Variants in DGKB observed in about 807,000 individuals in gnomAD.
DGKB encodes diacylglycerol kinase beta.
Under a neutral mutation model 114.3 loss-of-function variants are expected in DGKB, and 67 were observed. The observed-to-expected ratio is 0.59, with a 90% CI of 0.48 to 0.72. The LOEUF is 0.72. DGKB is among the 30% of genes least tolerant of loss of function. The pLI is 0.00. For missense variants in DGKB, 907 were observed against 975.2 expected (o/e 0.93, Z 0.93); for synonymous variants, 398 against 323.1 (o/e 1.23, Z -2.49).
chr7:14,362,662 C>A (rs1223066037), intron 21 of DGKB, among the ~76,000 whole-genome samples: 3 of 151,778 alleles, frequency 2.0e-5, no homozygotes, highest in Non-Finnish European at 4.4e-5. Flanking sequence ...AAAAAAAATG[C>A]AACAAAACAT....
At chr7:14,571,188 G>C (rs1472465720) in intron 20 of DGKB, among the ~76,000 whole-genome samples, 2 of 152,198 alleles carry the variant, frequency 1.3e-5, no homozygotes, top group Non-Finnish European at 2.9e-5. Context: ...AAACTACTGA[G>C]CCTCAGATAA....
intron 19 of DGKB, among the ~76,000 whole-genome samples, chr7:14,578,231 C>G (rs896350710): frequency 3.7e-4 from 56 of 152,186 alleles, no homozygotes; most frequent in Non-Finnish European, 1.2e-4. Flanking sequence ...GAGGCCTCCC[C>G]AGCCATTTGG....
At chr7:14,930,932 T>C (rs1429381693) in intron 1 of DGKB, among the ~76,000 whole-genome samples, 2 of 152,172 alleles carry the variant, frequency 1.3e-5, no homozygotes, top group Non-Finnish European at 2.9e-5. Flanking sequence ...TTGAATTTTA[T>C]AGAATGCTTT....
At chr7:14,380,904 A>C (rs1395470455) in intron 21 of DGKB, among the ~76,000 whole-genome samples, 1 of 152,224 alleles carries the variant, frequency 6.6e-6, no homozygotes, top group Non-Finnish European at 1.5e-5. Flanking sequence ...GATACATGGC[A>C]AAAGGAACTA....
At chr7:14,359,698 C>G (rs1815315339) in intron 21 of DGKB, among the ~76,000 whole-genome samples, 1 of 152,062 alleles carries the variant, frequency 6.6e-6, no homozygotes, top group South Asian at 2.1e-4. Context: ...ATTTATACAG[C>G]CAACAGACAC....
intron 13 of DGKB, among the ~76,000 whole-genome samples, chr7:14,640,773 A>C (rs1002132081): frequency 2.0e-5 from 3 of 152,154 alleles, no homozygotes; most frequent in African/African-American, 7.2e-5. Context: ...TTAATAGTAA[A>C]ACAGAGAAAG....
At chr7:14,233,742 T>C (rs1792283580) in intron 23 of DGKB, among the ~76,000 whole-genome samples, 1 of 152,020 alleles carries the variant, frequency 6.6e-6, no homozygotes, top group Non-Finnish European at 1.5e-5. Flanking sequence ...GAACCAACTG[T>C]CAAAGCAGAG....
chr7:14,778,360 T>C (rs1586435865), intron 2 of DGKB, among the ~76,000 whole-genome samples: 2 of 152,342 alleles, frequency 1.3e-5, no homozygotes, highest in South Asian at 4.1e-4. Flanking sequence ...TTTCTTGTTT[T>C]TTTTTCATAG....
In DGKB at chr7:14,370,694, G is replaced by C. The variant is rs1412987219; in HGVS notation, c.1836-25303C>G. On this transcript the variant is annotated intron_variant, in intron 21 of 25. Transcript: ENST00000402815. ...ATTTCAACTTTTATTTTAGATTCAG[G>C]GAGGGCACGTGGATGTCTGTTACAT... Among the ~76,000 whole-genome samples the C allele has an allele frequency of 2.0e-5, 3 of 152,076 alleles. No individual in the cohort carries two copies. In the South Asian group the frequency reaches 6.2e-4, roughly 32 times the overall value.
At chr7:14,295,766 T>C (rs1253166249) in intron 23 of DGKB, among the ~76,000 whole-genome samples, 1 of 152,102 alleles carries the variant, frequency 6.6e-6, no homozygotes, top group African/African-American at 2.4e-5. Context: ...GCAGGTTTGC[T>C]ACATAGGTAT....
At chr7:14,387,151 C>T (rs1026470338) in intron 21 of DGKB, among the ~76,000 whole-genome samples, 3 of 151,428 alleles carry the variant, frequency 2.0e-5, no homozygotes, top group Non-Finnish European at 4.4e-5. Flanking sequence ...TGGCTGGGCG[C>T]GGTGGCTCAC....
chr7:14,293,017 TGAGA>T (rs1261842286), intron 23 of DGKB, among the ~76,000 whole-genome samples: 1 of 152,010 alleles, frequency 6.6e-6, no homozygotes, highest in African/African-American at 2.4e-5. Context: ...ATTCTTAGGA[TGAGA>T]GAGAGAAAGA....
intron 13 of DGKB, among the ~76,000 whole-genome samples, chr7:14,646,188 T>C (rs1197185537): frequency 6.6e-6 from 1 of 152,154 alleles, no homozygotes; most frequent in African/African-American, 2.4e-5. Context: ...GATATTCCAA[T>C]GCAAACTGAA....
intron 1 of DGKB, among the ~76,000 whole-genome samples, chr7:14,909,179 A>T (rs1783858477): frequency 6.6e-6 from 1 of 152,044 alleles, no homozygotes; most frequent in South Asian, 2.1e-4. Flanking sequence ...AAGAAGAAAA[A>T]CTTCATCATG....
intron 23 of DGKB, among the ~76,000 whole-genome samples, chr7:14,298,104 C>G (rs966146967): frequency 3.9e-5 from 6 of 152,106 alleles, no homozygotes; most frequent in Non-Finnish European, 7.4e-5. Context: ...TAGGAAGAAT[C>G]AATATTGTGA....
chr7:14,619,654 G>A (rs1170605130), intron 15 of DGKB, among the ~76,000 whole-genome samples: 3 of 151,436 alleles, frequency 2.0e-5, no homozygotes, highest in Non-Finnish European at 3.0e-5. Context: ...AAAGAGACAG[G>A]GTGTCTTGGG....
At chr7:14,964,909 G>T (rs1188248348) in intron 1 of DGKB, among the ~76,000 whole-genome samples, 1 of 152,044 alleles carries the variant, frequency 6.6e-6, no homozygotes, top group African/African-American at 2.4e-5. Context: ...GATAGTACTG[G>T]ATCATAACCC....
At chr7:14,408,085 C>T (rs1048811162) in intron 21 of DGKB, among the ~76,000 whole-genome samples, 2 of 152,118 alleles carry the variant, frequency 1.3e-5, no homozygotes, top group African/African-American at 4.8e-5. Context: ...GAAGACAAAA[C>T]ATATTTTATC....
At chr7:14,703,273 C>T (rs1329285947) in intron 6 of DGKB, among the ~76,000 whole-genome samples, 1 of 152,134 alleles carries the variant, frequency 6.6e-6, no homozygotes, top group Non-Finnish European at 1.5e-5. Flanking sequence ...TCTGTTAACC[C>T]TTACTGGAGT....
Sources: allele counts gnomAD v4.1 joint callset (sites outside exome capture counted in the v4.1 genomes callset), GRCh38; gene constraint gnomAD v4.1.1; transcripts MANE v1.5; gene names NCBI Gene and HGNC (gene_info 2026-07-23, HGNC 2026-07-21).